Variants in DIS3L2 observed in about 807,000 individuals in gnomAD.
DIS3L2 encodes DIS3-like exonuclease 2.
A neutral mutation model predicts 97.5 loss-of-function variants in DIS3L2; 34 were observed. The observed-to-expected ratio is 0.35, with a 90% CI of 0.27 to 0.46. The LOEUF is 0.46. DIS3L2 is among the 20% of genes least tolerant of loss of function. The pLI is 1.00. For synonymous variants in DIS3L2, 435 were observed against 445.2 expected, an observed-to-expected ratio of 0.98 and a Z score of 0.29; for missense variants, 1,038 against 1,146.0, an observed-to-expected ratio of 0.91 and a Z score of 1.36.
chr2:232,136,932 G>C (rs746575713), intron 8 of DIS3L2, among the ~76,000 whole-genome samples: 1 of 152,066 alleles, frequency 6.6e-6, no homozygotes, highest in Non-Finnish European at 1.5e-5. Context: ...TCACATTCTT[G>C]TTTTTGTTTT....
rs185934067 is a variant in DIS3L2, at chr2:232,023,854, C to T, written c.211-423C>T. 7.3e-4 allele frequency among the ~76,000 whole-genome samples: 111 copies of T among 151,942 alleles called. No homozygotes were observed. The South Asian group carries it at 9.1e-3, about 13-fold the overall frequency. ...ACCTGTACCACTTTGAAAATTGTCA[C>T]AGAAACAAGCAATTGTGGAAAGGTC... On this transcript the variant is annotated intron_variant, in intron 3 of 20. Transcript: ENST00000325385.
Position 232,306,810 on chromosome 2 carries a change from C to T in DIS3L2, c.1739+6691C>T, listed in dbSNP as rs570724569. ...CAAGGCAGCCAGCCCTGTGATCCCA[C>T]CCCACCTGCCTGCCATACAGACCCA... On this transcript the variant is annotated intron_variant, in intron 14 of 20. Transcript: ENST00000325385. Among the ~76,000 whole-genome samples the T allele has an allele frequency of 2.5e-3, 377 of 152,374 alleles. 1 individual carries two copies. The highest frequency in any genetic ancestry group is 4.4e-3 in the Non-Finnish European group (298 of 68,034).
intron 1 of DIS3L2, among the ~76,000 whole-genome samples, chr2:232,000,867 T>C (rs1001730065): frequency 1.3e-5 from 2 of 151,098 alleles, no homozygotes; most frequent in Non-Finnish European, 3.0e-5. Flanking sequence ...GTACCCGGCT[T>C]CCTTTTTTTT....
intron 13 of DIS3L2, among the ~76,000 whole-genome samples, chr2:232,270,310 A>C (rs1234921639): frequency 6.6e-6 from 1 of 152,162 alleles, no homozygotes; most frequent in Non-Finnish European, 1.5e-5. Context: ...CCCAGAAATA[A>C]CCATGGTTAA....
downstream of DIS3L2, among the ~76,000 whole-genome samples, chr2:232,340,081 G>A (rs1051898171): frequency 1.3e-5 from 2 of 152,174 alleles, no homozygotes; most frequent in Non-Finnish European, 2.9e-5. Flanking sequence ...TACTATAGGC[G>A]GAGAGTGCAG....
intron 9 of DIS3L2, among the ~76,000 whole-genome samples, chr2:232,164,914 C>T (rs2106378236): frequency 6.6e-6 from 1 of 152,248 alleles, no homozygotes; most frequent in African/African-American, 2.4e-5. Flanking sequence ...TTTCTGAGGT[C>T]ATTTCCTGAA....
intron 13 of DIS3L2, among the ~76,000 whole-genome samples, chr2:232,296,190 G>C (rs1472909586): frequency 1.3e-5 from 2 of 152,174 alleles, no homozygotes; most frequent in Non-Finnish European, 2.9e-5. Flanking sequence ...TGCAGCCTGA[G>C]CCAGAGAATC....
intron 5 of DIS3L2, among the ~76,000 whole-genome samples, chr2:232,083,613 G>T (rs1347930463): frequency 6.6e-6 from 1 of 151,578 alleles, no homozygotes; most frequent in Non-Finnish European, 1.5e-5. Context: ...TCTTGCCTCA[G>T]CCTCCTGAGT....
At chr2:232,343,966 A>G (rs1225604758) in exon 14 of DIS3L2, 1 of 166,166 alleles carries the variant, frequency 6.0e-6, no homozygotes, top group Non-Finnish European at 1.3e-5. Flanking sequence ...TTAATCCAGC[A>G]ACAAAAAATG....
chr2:232,194,085 G>C (rs574265837), intron 9 of DIS3L2, among the ~76,000 whole-genome samples: 1 of 152,128 alleles, frequency 6.6e-6, no homozygotes, highest in South Asian at 2.1e-4. Context: ...ACTCCAGCCT[G>C]GGTGACAGAG....
chr2:231,989,555 G>T (rs1693525903), intron 1 of DIS3L2, among the ~76,000 whole-genome samples: 1 of 152,084 alleles, frequency 6.6e-6, no homozygotes, highest in Admixed American at 6.5e-5. Flanking sequence ...AGGGACAGGG[G>T]ACTGGGCACA....
intron 14 of DIS3L2, among the ~76,000 whole-genome samples, chr2:232,316,836 T>A (rs960078756): frequency 6.6e-6 from 1 of 152,258 alleles, no homozygotes. Flanking sequence ...ATTAAGTCTT[T>A]GGTGTAGATA....
intron 9 of DIS3L2, among the ~76,000 whole-genome samples, chr2:232,176,260 C>G (rs1041917055): frequency 6.6e-6 from 1 of 152,100 alleles, no homozygotes; most frequent in Admixed American, 6.6e-5. Context: ...ATTAGTATTC[C>G]CTTATAATCC....
At chr2:232,210,482 C>G (rs1692159215) in intron 10 of DIS3L2, 77 bp downstream of exon 10, 1 of 1,350,964 alleles carries the variant, frequency 7.4e-7, no homozygotes, top group African/African-American at 1.4e-5. Flanking sequence ...CTGCCCTGTG[C>G]TGCCTAGGCA....
At chr2:232,047,499 A>G (rs1468367548) in intron 5 of DIS3L2, among the ~76,000 whole-genome samples, 2 of 152,240 alleles carry the variant, frequency 1.3e-5, no homozygotes, top group Non-Finnish European at 2.9e-5. Flanking sequence ...TCATTCAGAC[A>G]CTTTCTTTGG....
chr2:232,339,318 A>G (rs1211016279), downstream of DIS3L2, among the ~76,000 whole-genome samples: 12 of 152,224 alleles, frequency 7.9e-5, no homozygotes, highest in East Asian at 1.9e-3. Flanking sequence ...GCCTCTGCAG[A>G]AGCAGCACCA....
At chr2:232,050,528 G>A (rs937440101) in intron 5 of DIS3L2, among the ~76,000 whole-genome samples, 8 of 151,618 alleles carry the variant, frequency 5.3e-5, no homozygotes, top group Non-Finnish European at 1.0e-4. Context: ...CACCCACCTC[G>A]GCCTCCCAAA....
chr2:232,106,179 A>G (rs528727852), intron 6 of DIS3L2, among the ~76,000 whole-genome samples: 4 of 152,222 alleles, frequency 2.6e-5, no homozygotes, highest in East Asian at 1.9e-4. Flanking sequence ...GGCCATATCT[A>G]TTTACAATTA....
intron 11 of DIS3L2, among the ~76,000 whole-genome samples, chr2:232,248,665 C>T (rs1693331448): frequency 6.6e-6 from 1 of 152,182 alleles, no homozygotes; most frequent in African/African-American, 2.4e-5. Context: ...AAATGGATAA[C>T]TAGTTGATCA....
Sources: allele counts gnomAD v4.1 joint callset (sites outside exome capture counted in the v4.1 genomes callset), GRCh38; gene constraint gnomAD v4.1.1; transcripts MANE v1.5; gene names NCBI Gene and HGNC (gene_info 2026-07-23, HGNC 2026-07-21).